Variants in TPR observed in about 807,000 individuals in gnomAD.
TPR encodes translocated promoter region, nuclear basket protein.
TPR carries 51 observed loss-of-function variants against 316.1 expected under a neutral mutation model. That is an observed-to-expected ratio of 0.16 (90% confidence interval 0.13 to 0.20). The LOEUF (loss-of-function observed/expected upper bound fraction) is 0.20. TPR is among the 10% of genes least tolerant of loss of function. The pLI, the probability that TPR is intolerant of heterozygous loss-of-function variation, is 1.00. For missense variants in TPR, 2,272 were observed against 2,754.8 expected (o/e 0.82, Z 3.92); for synonymous variants, 981 against 914.7 (o/e 1.07, Z -1.31).
chr1:186,359,391 T>C (rs1379772433), intron 12 of TPR, among the ~76,000 whole-genome samples: 2 of 152,084 alleles, frequency 1.3e-5, no homozygotes, highest in African/African-American at 4.8e-5. Flanking sequence ...GTTCTACCTA[T>C]GGTCAAACAA....
At chr1:186,338,297 G>T in intron 30 of TPR, 54 bp from the exon 31 acceptor site, 1 of 1,443,064 alleles carries the variant, frequency 6.9e-7, no homozygotes, top group Non-Finnish European at 9.4e-7. Flanking sequence ...ATTTTTCAAA[G>T]TTTGAAGTCC....
At chr1:186,371,859 C>G (rs1426396207) in intron 2 of TPR, among the ~76,000 whole-genome samples, 1 of 152,128 alleles carries the variant, frequency 6.6e-6, no homozygotes, top group Non-Finnish European at 1.5e-5. Flanking sequence ...TAAATACACA[C>G]ACACGCGCGC....
At chr1:186,339,216 G>A (rs1487995799) in intron 30 of TPR, among the ~76,000 whole-genome samples, 3 of 151,994 alleles carry the variant, frequency 2.0e-5, no homozygotes, top group South Asian at 2.1e-4. Context: ...GACAGCTTGA[G>A]CCCAGGAGTT....
chr1:186,331,948 T>C (rs889059116), intron 38 of TPR, among the ~76,000 whole-genome samples: 21 of 152,258 alleles, frequency 1.4e-4, no homozygotes, highest in Middle Eastern at 3.4e-3. Context: ...AAATTCAACT[T>C]ATGTTTTTAT....
chr1:186,370,318 T>G (rs755244969), intron 3 of TPR, among the ~76,000 whole-genome samples: 3 of 152,088 alleles, frequency 2.0e-5, no homozygotes, highest in Non-Finnish European at 4.4e-5. Flanking sequence ...ATCCAGAAAT[T>G]TGCAATATCT....
Position 186,353,848 on chromosome 1 carries a change from T to C in TPR, c.2174A>G (p.Tyr725Cys). Residue 725 changes from tyrosine (Y) to cysteine (C), a missense_variant and splice_region_variant, in exon 18 of 51, where the codon TAT becomes TGT. Around this residue, in one of 10 missense-constraint regions of TPR, gnomAD observed 757 missense variants for 859.8 expected, o/e 0.88. Transcript: ENST00000367478. ...TTCAACATTATCTTGCAGCATTTCATAACTGGTATGAAAAAAGTAATTCTA... is the reference window on the plus strand; with the variant it reads ...TTCAACATTATCTTGCAGCATTTCACAACTGGTATGAAAAAAGTAATTCTA... ...STQLDFASKR[Y>C]EMLQDNVEGY... is the part of the protein sequence containing the mutation. The C allele has an allele frequency of 6.2e-7, 1 of 1,612,394 alleles. No homozygotes were observed. Among genetic ancestry groups the C allele is most frequent in the Non-Finnish European group, 8.5e-7 (1 of 1,179,586 alleles).
chr1:186,340,588 C>T (rs909385676), intron 29 of TPR, among the ~76,000 whole-genome samples: 2 of 151,888 alleles, frequency 1.3e-5, no homozygotes, highest in Admixed American at 6.6e-5. Context: ...TGTACCACCA[C>T]GCCCAGCTAA....
chr1:186,319,649 T>C (rs959488318), intron 46 of TPR, among the ~76,000 whole-genome samples: 1 of 152,202 alleles, frequency 6.6e-6, no homozygotes, highest in Non-Finnish European at 1.5e-5. Context: ...ATGACTTTTA[T>C]GATGGCTAAA....
intron 21 of TPR, among the ~76,000 whole-genome samples, chr1:186,348,295 T>C (rs1267617471): frequency 6.6e-6 from 1 of 152,148 alleles, no homozygotes. Flanking sequence ...GCAGTTGAGA[T>C]AAGGACTGAG....
chr1:186,353,862 A>T lies in TPR; in HGVS notation c.2172-12T>A. On this transcript the variant is annotated splice_polypyrimidine_tract_variant and intron_variant, in intron 17 of 50. Transcript: ENST00000367478. ...GCAGCATTTCATAACTGGTATGAAA[A>T]AAGTAATTCTACAAGTAACTGAAAT... 6.2e-7 allele frequency: 1 copy of T among 1,610,060 alleles called. No individual in the cohort carries two copies. The highest frequency in any genetic ancestry group is 1.1e-5 in the South Asian group (1 of 90,690).
rs138150001 is a variant in TPR at position 186,328,005 on chromosome 1, G to C, written c.5689-345C>G. Among the ~76,000 whole-genome samples, 975 of 152,038 alleles carry C rather than the reference G, an allele frequency of 6.4e-3. 7 individuals carry two copies. Among genetic ancestry groups the C allele is most frequent in the African/African-American group, 0.021 (880 of 41,464 alleles). On this transcript the variant is annotated intron_variant, in intron 39 of 50. Transcript: ENST00000367478. ...TCACCATGTTGGCCAGGCTGGTCTCGAACTCCTGACTTCAAGTGATCTCCC... is the reference window on the plus strand; with the variant it reads ...TCACCATGTTGGCCAGGCTGGTCTCCAACTCCTGACTTCAAGTGATCTCCC...
rs770725882 is a variant in TPR at position 186,314,712 on chromosome 1, C to T, written c.6953G>A (p.Ser2318Asn). Residue 2318 changes from serine to asparagine, a missense_variant, in exon 50 of 51, where the codon AGT becomes AAT. Ser to Asn is a conservative substitution (Grantham distance 46, BLOSUM62 1). Around this residue, in one of 10 missense-constraint regions of TPR, gnomAD observed 123 missense variants for 142.3 expected, o/e 0.86. Coordinates refer to ENST00000367478, the MANE Select transcript of TPR (RefSeq NM_003292.3). ...PSSSSVDTSS[S>N]QPKPFRRVRL... ...TACTCGTCTGAAAGGCTTTGGTTGA[C>T]TACTACTAGTATCTAAGAAAAACAT... 106 of 1,610,554 alleles carry T rather than the reference C, an allele frequency of 6.6e-5. No homozygotes were observed. Among genetic ancestry groups the T allele is most frequent in the Non-Finnish European group, 9.0e-5 (106 of 1,178,222 alleles).
At chr1:186,359,741 A>T in intron 12 of TPR, 58 bp downstream of exon 12, 3 of 1,512,416 alleles carry the variant, frequency 2.0e-6, no homozygotes. Flanking sequence ...AAAAATACCT[A>T]GTAAATCATT....
chr1:186,338,402 CAGCCCTTCG>C (rs1658404288), intron 30 of TPR, among the ~76,000 whole-genome samples, 159 bp from the exon 31 acceptor site: 1 of 152,032 alleles, frequency 6.6e-6, no homozygotes, highest in Non-Finnish European at 1.5e-5. Flanking sequence ...TACGAATTTA[CAGCCCTTCG>C]GCAAGATCTT....
chr1:186,351,846 C>T, intron 19 of TPR, 130 bp downstream of exon 19: 4 of 1,066,410 alleles, frequency 3.8e-6, no homozygotes, highest in East Asian at 5.5e-5. Context: ...TAATAAACTG[C>T]AAAATTCAAT....
chr1:186,345,367 C>T (rs954142671), intron 24 of TPR, among the ~76,000 whole-genome samples: 2 of 151,998 alleles, frequency 1.3e-5, no homozygotes, highest in African/African-American at 4.8e-5. Context: ...TTTTATTTTC[C>T]CATTGTCAAG....
intron 49 of TPR, among the ~76,000 whole-genome samples, chr1:186,316,552 C>A (rs1314990660): frequency 6.6e-6 from 1 of 152,146 alleles, no homozygotes; most frequent in East Asian, 1.9e-4. Flanking sequence ...TTAAAATAAT[C>A]AGACTGAATG....
rs1427107555 is a variant in TPR, at chr1:186,360,243, G to T, written c.1191+30C>A. 7 of 1,594,242 alleles carry T rather than the reference G, an allele frequency of 4.4e-6. No individual in the cohort carries two copies. The African/African-American group carries it at 6.8e-5, about 15-fold the overall frequency. ...TTTGTATACATTTGCTGAAGAAAAA[G>T]AATTTAACAACATTTAATACCATTC... On this transcript the variant is annotated intron_variant, in intron 11 of 50. Transcript: ENST00000367478.
chr1:186,374,288 T>C (rs1659624094), intron 1 of TPR, among the ~76,000 whole-genome samples: 1 of 152,206 alleles, frequency 6.6e-6, no homozygotes, highest in Non-Finnish European at 1.5e-5. Flanking sequence ...TTTAGGTAAT[T>C]ACAAGAAAAT....
Sources: gnomAD v4.1 joint callset for allele counts (sites outside exome capture counted in the v4.1 genomes callset) on GRCh38, gnomAD v4.1.1 for gene constraint, gnomAD v4.1.1 regional missense constraint, MANE v1.5 for transcripts, NCBI Gene and HGNC (gene_info 2026-07-23, HGNC 2026-07-21) for gene names.